EXOC4: variants seen among roughly 807,000 people sequenced by gnomAD.
EXOC4 encodes exocyst complex component 4.
EXOC4 carries 71 observed loss-of-function variants against 107.2 expected under a neutral mutation model. That is an observed-to-expected ratio of 0.66 (90% CI 0.55 to 0.81). EXOC4 has a LOEUF of 0.81. Among genes scored for constraint, EXOC4 ranks in the 30% least tolerant of loss-of-function variants. The pLI, the probability that EXOC4 is intolerant of heterozygous loss-of-function variation, is 0.00. For missense variants in EXOC4, 1,108 were observed against 1,189.6 expected, an observed-to-expected ratio of 0.93 and a Z score of 1.01; for synonymous variants, 456 against 441.2, an observed-to-expected ratio of 1.03 and a Z score of -0.42.
At chr7:133,669,259 C>T (rs1040623603) in intron 10 of EXOC4, among the ~76,000 whole-genome samples, 9 of 151,948 alleles carry the variant, frequency 5.9e-5, no homozygotes, top group South Asian at 4.2e-4. Context: ...GAGGAGGAGC[C>T]GCGGGATGTA....
chr7:133,291,278 T>C (rs950177592), intron 3 of EXOC4, among the ~76,000 whole-genome samples: 1 of 152,140 alleles, frequency 6.6e-6, no homozygotes, highest in African/African-American at 2.4e-5. Context: ...CTTCTCCCAA[T>C]TGGGGATTTG....
chr7:133,889,625 A>G (rs1238774889), intron 11 of EXOC4, among the ~76,000 whole-genome samples: 3 of 112,368 alleles, frequency 2.7e-5, no homozygotes, highest in South Asian at 3.5e-4. Context: ...TCCTGTGTCC[A>G]TGTGATCTCA....
At chr7:134,032,773 G>A (rs566058828) in intron 17 of EXOC4, among the ~76,000 whole-genome samples, 1 of 152,290 alleles carries the variant, frequency 6.6e-6, no homozygotes, top group Admixed American at 6.5e-5. Context: ...TAGGAGAGTG[G>A]ACAGCACCAA....
chr7:133,937,066 G>A (rs1800320821), intron 13 of EXOC4, among the ~76,000 whole-genome samples: 2 of 152,146 alleles, frequency 1.3e-5, no homozygotes, highest in Admixed American at 6.5e-5. Context: ...TGTCATGTAG[G>A]CAGAACAGTT....
At chr7:133,579,688 T>C (rs945562995) in intron 9 of EXOC4, among the ~76,000 whole-genome samples, 10 of 24,470 alleles carry the variant, frequency 4.1e-4, no homozygotes, top group Admixed American at 4.0e-3. Context: ...CAACTTTACT[T>C]TTTTTTTTTT....
At chr7:133,820,466 A>G (rs188374591) in intron 11 of EXOC4, among the ~76,000 whole-genome samples, 3 of 152,202 alleles carry the variant, frequency 2.0e-5, no homozygotes, top group Admixed American at 6.5e-5. Context: ...ATGTTTCCTT[A>G]ATATTTTATT....
intron 9 of EXOC4, among the ~76,000 whole-genome samples, chr7:133,620,316 C>T (rs1050884470): frequency 3.9e-5 from 6 of 152,070 alleles, no homozygotes; most frequent in South Asian, 4.1e-4. Context: ...TGTGAGCCAC[C>T]GGGCCCAGCC....
At chr7:134,074,358 C>T in the EXOC4 span, among the ~76,000 whole-genome samples, 118,457 of 152,182 alleles carry the variant, frequency 0.78, 47,106 homozygotes, top group African/African-American at 0.93. Context: ...AAACAAGAAG[C>T]TTGTTAACCA....
At chr7:133,676,592 A>G (rs932176406) in intron 10 of EXOC4, among the ~76,000 whole-genome samples, 2 of 152,144 alleles carry the variant, frequency 1.3e-5, no homozygotes, top group African/African-American at 4.8e-5. Context: ...TCTAGCATGT[A>G]CAAAGTGGAA....
intron 9 of EXOC4, among the ~76,000 whole-genome samples, chr7:133,541,230 A>G (rs566359250): frequency 6.6e-6 from 1 of 152,326 alleles, no homozygotes; most frequent in South Asian, 2.1e-4. Flanking sequence ...AGCTAGAAGT[A>G]TAGTTAGGAA....
chr7:133,277,342 C>CAGTT (rs1794020033), intron 2 of EXOC4, among the ~76,000 whole-genome samples: 1 of 152,196 alleles, frequency 6.6e-6, no homozygotes, highest in African/African-American at 2.4e-5. Flanking sequence ...CAGGTAATAA[C>CAGTT]AGCAAAGGTG....
At chr7:133,296,076 A>G (rs1039379333) in intron 3 of EXOC4, among the ~76,000 whole-genome samples, 2 of 152,190 alleles carry the variant, frequency 1.3e-5, no homozygotes, top group African/African-American at 4.8e-5. Flanking sequence ...GTAGAAGAGC[A>G]GCTTGAAAGA....
chr7:133,730,932 A>G (rs1394014638), intron 10 of EXOC4, among the ~76,000 whole-genome samples: 1 of 152,172 alleles, frequency 6.6e-6, no homozygotes, highest in Non-Finnish European at 1.5e-5. Context: ...ATTAGATCTC[A>G]TTTGACTTCA....
At chr7:133,464,785 G>GT (rs1187992378) in intron 7 of EXOC4, among the ~76,000 whole-genome samples, 1 of 54,328 alleles carries the variant, frequency 1.8e-5, no homozygotes, top group African/African-American at 6.1e-5. Flanking sequence ...AGTAGCTGAA[G>GT]TTTTTTTTTT....
In EXOC4 at chr7:133,645,568, C is replaced by G. The variant is rs142482811; in HGVS notation, c.1514+15427C>G. ...TAGAACTTGAATGATTTTTAGCACACACTAGATTCTCAGTAAATATTTGGT... is the reference window on the plus strand; with the variant it reads ...TAGAACTTGAATGATTTTTAGCACAGACTAGATTCTCAGTAAATATTTGGT... On this transcript the variant is annotated intron_variant, in intron 10 of 17. Coordinates refer to ENST00000253861, the MANE Select transcript of EXOC4 (RefSeq NM_021807.4). 3.3e-5 allele frequency among the ~76,000 whole-genome samples: 5 copies of G among 152,214 alleles called. No homozygotes were observed. The East Asian group carries it at 9.7e-4, about 29-fold the overall frequency.
At chr7:133,456,084 G>A (rs932171302) in intron 7 of EXOC4, among the ~76,000 whole-genome samples, 2 of 152,132 alleles carry the variant, frequency 1.3e-5, no homozygotes, top group African/African-American at 2.4e-5. Flanking sequence ...ATTCATGGAG[G>A]CTATTTTGTA....
intron 10 of EXOC4, among the ~76,000 whole-genome samples, chr7:133,701,217 A>T (rs908625673): frequency 6.6e-6 from 1 of 152,090 alleles, no homozygotes; most frequent in Non-Finnish European, 1.5e-5. Context: ...TTATTATCCA[A>T]ATAGCTCTTA....
intron 10 of EXOC4, among the ~76,000 whole-genome samples, chr7:133,717,080 A>T (rs1033388772): frequency 2.0e-4 from 31 of 152,338 alleles, no homozygotes; most frequent in Middle Eastern, 3.4e-3. Flanking sequence ...TACATTTTTT[A>T]AAAAAATTGG....
chr7:133,412,655 C>G (rs188833278), intron 7 of EXOC4, among the ~76,000 whole-genome samples: 3 of 151,848 alleles, frequency 2.0e-5, no homozygotes, highest in African/African-American at 7.2e-5. Flanking sequence ...GACTCTATCT[C>G]TAAAAAAATC....
Sources: allele counts gnomAD v4.1 joint callset (sites outside exome capture counted in the v4.1 genomes callset), GRCh38; gene constraint gnomAD v4.1.1; transcripts MANE v1.5; gene names NCBI Gene and HGNC (gene_info 2026-07-23, HGNC 2026-07-21).